Variants in SHB observed in about 807,000 individuals in gnomAD.
The protein encoded by SHB is SH2 domain containing adaptor protein B.
Under a neutral mutation model 52.3 loss-of-function variants are expected in SHB, and 20 were observed. The observed-to-expected ratio is 0.38, with a 90% CI of 0.27 to 0.56. The LOEUF (loss-of-function observed/expected upper bound fraction) is 0.56. Ranked by LOEUF, SHB falls within the 20% of genes least tolerant of loss-of-function variation. The pLI, the probability that SHB is intolerant of heterozygous loss-of-function variation, is 0.71. For missense variants in SHB, 825 were observed against 723.3 expected, an observed-to-expected ratio of 1.14 and a Z score of -1.61; for synonymous variants, 397 against 316.5, an observed-to-expected ratio of 1.25 and a Z score of -2.70.
intron 1 of SHB, among the ~76,000 whole-genome samples, chr9:38,049,331 G>A (rs1022917399): frequency 5.6e-4 from 86 of 152,256 alleles, no homozygotes; most frequent in African/African-American, 2.0e-3. Flanking sequence ...AGGCTCAGAT[G>A]GGTGTGGTGG....
chr9:37,945,684 G>A (rs577181969), intron 5 of SHB, among the ~76,000 whole-genome samples: 118 of 152,308 alleles, frequency 7.7e-4, no homozygotes, highest in Admixed American at 2.5e-3. Flanking sequence ...GGATGGGTGC[G>A]GGAAGGCAAA....
chr9:38,014,845 C>G (rs1821190810), intron 2 of SHB, among the ~76,000 whole-genome samples: 2 of 152,208 alleles, frequency 1.3e-5, no homozygotes, highest in South Asian at 4.1e-4. Context: ...CTACACAGCC[C>G]TATAAGCTGA....
Position 38,068,927 on chromosome 9 carries a change from GGA to G in SHB, c.-284_-283del, listed in dbSNP as rs543079972. 1 of 152,150 alleles carries G rather than the reference GGA, an allele frequency of 6.6e-6. No individual in the cohort carries two copies. Among genetic ancestry groups the G allele is most frequent in the African/African-American group, 2.4e-5 (1 of 41,468 alleles). The allele number at this position is 152,150 out of a possible 1,614,324, so 9.4% of individuals were successfully genotyped here. ...CATGGGGTCCCGGCCCACGCCCGGG[GGA>G]GAGCGGAAGGTCCGAGCGCTCCACG... is the stretch of plus-strand genomic sequence containing the variant. On this transcript the variant is annotated 5_prime_UTR_variant, in exon 1 of 6. Coordinates refer to ENST00000377707, the MANE Select transcript of SHB (RefSeq NM_003028.3).
intron 2 of SHB, among the ~76,000 whole-genome samples, chr9:37,982,094 TAA>T (rs59247175): frequency 7.1e-6 from 1 of 141,210 alleles, no homozygotes; most frequent in African/African-American, 2.6e-5. Context: ...CTTCATTTTG[TAA>T]AAAAAAAAAA....
chr9:37,915,909 C>G lies in SHB; in HGVS notation c.*3912G>C, dbSNP rs1023429173. Among the ~76,000 whole-genome samples the G allele has an allele frequency of 6.6e-6, 1 of 152,056 alleles. No individual in the cohort carries two copies. Among genetic ancestry groups the G allele is most frequent in the Non-Finnish European group, 1.5e-5 (1 of 67,992 alleles). ...AAAAAGACAAATGGTAAACAAGACA[C>G]TTGTAGTATATTAAGAGCTTCACAT... is the stretch of plus-strand genomic sequence containing the variant. On this transcript the variant is annotated 3_prime_UTR_variant, in exon 6 of 6. Coordinates refer to ENST00000377707, the MANE Select transcript of SHB (RefSeq NM_003028.3).
At chr9:38,002,328 C>T (rs1019037512) in intron 2 of SHB, among the ~76,000 whole-genome samples, 10 of 152,168 alleles carry the variant, frequency 6.6e-5, no homozygotes, top group Non-Finnish European at 1.2e-4. Context: ...CAAAGCCATA[C>T]GTGTCCTGAA....
intron 2 of SHB, chr9:38,015,590 T>C: frequency 1.6e-6 from 1 of 631,874 alleles, no homozygotes; most frequent in Non-Finnish European, 2.9e-6. Flanking sequence ...CCAGCTCTCT[T>C]CTACTAAGCA....
chr9:37,982,424 C>T (rs1027960572), intron 2 of SHB, among the ~76,000 whole-genome samples: 2 of 151,972 alleles, frequency 1.3e-5, no homozygotes, highest in African/African-American at 4.8e-5. Context: ...ACCCAGGGGG[C>T]GGAGGTTGCA....
chr9:37,956,800 C>G (rs942559684), intron 3 of SHB, among the ~76,000 whole-genome samples: 1 of 152,208 alleles, frequency 6.6e-6, no homozygotes, highest in Non-Finnish European at 1.5e-5. Flanking sequence ...TGCCAGTTAT[C>G]CAGCTGGGCC....
chr9:38,058,357 A>T (rs1821846721), intron 1 of SHB, among the ~76,000 whole-genome samples: 1 of 152,160 alleles, frequency 6.6e-6, no homozygotes, highest in Admixed American at 6.5e-5. Context: ...TCAGCTGCTG[A>T]ATCTACTGCA....
chr9:37,948,237 A>AC (rs1459993337), intron 5 of SHB, among the ~76,000 whole-genome samples: 4 of 152,044 alleles, frequency 2.6e-5, no homozygotes, highest in African/African-American at 9.7e-5. Context: ...GGCCAGCCAC[A>AC]CCCACCTCCG....
At chr9:37,941,626 G>A (rs913099181) in intron 5 of SHB, among the ~76,000 whole-genome samples, 1 of 152,238 alleles carries the variant, frequency 6.6e-6, no homozygotes, top group Non-Finnish European at 1.5e-5. Flanking sequence ...TGCCTTCCCT[G>A]AAGTTTGCTC....
chr9:37,924,744 T>C (rs1397130102), intron 5 of SHB, among the ~76,000 whole-genome samples: 2 of 152,208 alleles, frequency 1.3e-5, no homozygotes, highest in Admixed American at 6.5e-5. Context: ...ACATATTATC[T>C]CATTTAAACT....
intron 1 of SHB, among the ~76,000 whole-genome samples, chr9:38,039,420 C>T (rs1423269278): frequency 6.6e-6 from 1 of 152,272 alleles, no homozygotes; most frequent in Non-Finnish European, 1.5e-5. Flanking sequence ...GCTGCCACTT[C>T]AAGTTTGCAA....
chr9:37,941,855 C>CA (rs35137969), intron 5 of SHB, among the ~76,000 whole-genome samples: 10,285 of 152,208 alleles, frequency 0.068, 445 homozygotes, highest in South Asian at 0.11. Flanking sequence ...GTTAACCCAA[C>CA]AAGGGGATGC....
intron 3 of SHB, among the ~76,000 whole-genome samples, chr9:37,964,923 G>A (rs1587216831): frequency 6.6e-6 from 1 of 152,140 alleles, no homozygotes; most frequent in Non-Finnish European, 1.5e-5. Context: ...TGAGTTCCGG[G>A]CCAGGCCCAT....
At chr9:38,045,819 G>T (rs992696493) in intron 1 of SHB, among the ~76,000 whole-genome samples, 1 of 152,208 alleles carries the variant, frequency 6.6e-6, no homozygotes, top group African/African-American at 2.4e-5. Context: ...ATCTTCTAGC[G>T]TGTCTAGGCC....
At chr9:38,067,708 G>A (rs1293349358) in intron 1 of SHB, among the ~76,000 whole-genome samples, 6 of 152,290 alleles carry the variant, frequency 3.9e-5, no homozygotes, top group Non-Finnish European at 7.4e-5. Flanking sequence ...GCTCAGAGGG[G>A]ACGTTCTGGA....
intron 2 of SHB, among the ~76,000 whole-genome samples, chr9:38,014,361 T>C (rs961291789): frequency 7.9e-5 from 12 of 152,274 alleles, no homozygotes; most frequent in Non-Finnish European, 1.6e-4. Flanking sequence ...GCCCAAGGGC[T>C]GGAGCTGGTC....
Sources: gnomAD v4.1 joint callset for allele counts (sites outside exome capture counted in the v4.1 genomes callset) on GRCh38, gnomAD v4.1.1 for gene constraint, MANE v1.5 for transcripts, NCBI Gene and HGNC (gene_info 2026-07-23, HGNC 2026-07-21) for gene names.